The following MAF variants were observed in gnomAD, a reference collection of about 807,000 sequenced individuals.
MAF encodes MAF bZIP transcription factor.
Under a neutral mutation model 22.0 loss-of-function variants are expected in MAF, and 10 were observed. That is an observed-to-expected ratio of 0.45 (90% CI 0.28 to 0.77). The LOEUF is 0.77. Among genes scored for constraint, MAF ranks in the 30% least tolerant of loss-of-function variants. The probability of loss-of-function intolerance (pLI) is 0.12; values close to 1 mark genes in which losing one functional copy is unlikely to be tolerated. For missense variants in MAF, 544 were observed against 548.4 expected, an observed-to-expected ratio of 0.99 and a Z score of 0.08; for synonymous variants, 337 against 255.8, an observed-to-expected ratio of 1.32 and a Z score of -3.03.
the MAF span, among the ~76,000 whole-genome samples, chr16:79,452,862 C>T: frequency 6.6e-6 from 1 of 152,036 alleles, no homozygotes; most frequent in Non-Finnish European, 1.5e-5. Flanking sequence ...TACAGAGTCG[C>T]GAGATGAAAG....
the MAF span, among the ~76,000 whole-genome samples, chr16:79,339,682 G>GTTGT: frequency 6.6e-6 from 1 of 152,060 alleles, no homozygotes; most frequent in South Asian, 2.1e-4. Flanking sequence ...TTCCTTGTTT[G>GTTGT]TTGTTAGTGT....
At chr16:79,306,572 G>A in the MAF span, among the ~76,000 whole-genome samples, 1 of 152,102 alleles carries the variant, frequency 6.6e-6, no homozygotes, top group South Asian at 2.1e-4. Context: ...GATAAAGGAG[G>A]GGAAGGAAAG....
chr16:79,392,806 AC>A, the MAF span, among the ~76,000 whole-genome samples: 3 of 152,054 alleles, frequency 2.0e-5, no homozygotes, highest in Non-Finnish European at 2.9e-5. Flanking sequence ...GCATGTGAGA[AC>A]CCTAAGTTGC....
the MAF span, among the ~76,000 whole-genome samples, chr16:79,328,970 T>C: frequency 6.6e-6 from 1 of 152,186 alleles, no homozygotes; most frequent in Non-Finnish European, 1.5e-5. Context: ...TGTCTGTCTT[T>C]AGCTCTTCCT....
intron 1 of MAF, chr16:79,598,029 C>G (rs1236076427): frequency 4.8e-6 from 5 of 1,039,058 alleles, no homozygotes; most frequent in South Asian, 9.2e-5. Flanking sequence ...ATTTTTTTCT[C>G]TATTTTAGCA....
At chr16:79,341,372 G>A in the MAF span, among the ~76,000 whole-genome samples, 8 of 152,126 alleles carry the variant, frequency 5.3e-5, no homozygotes, top group African/African-American at 1.7e-4. Flanking sequence ...AGCTTGGTAC[G>A]GAAGCTCAGT....
At chr16:79,217,462 A>G in the MAF span, among the ~76,000 whole-genome samples, 2 of 152,296 alleles carry the variant, frequency 1.3e-5, no homozygotes, top group South Asian at 4.1e-4. Context: ...TCCAGTATAA[A>G]CCTTACAAAT....
chr16:79,543,484 G>A, the MAF span, among the ~76,000 whole-genome samples: 4 of 152,186 alleles, frequency 2.6e-5, no homozygotes, highest in East Asian at 5.8e-4. Flanking sequence ...ATGTCTGGAT[G>A]TTCTCAAGAT....
chr16:79,592,161 G>A (rs751103898), downstream of MAF, among the ~76,000 whole-genome samples: 1 of 152,168 alleles, frequency 6.6e-6, no homozygotes, highest in South Asian at 2.1e-4. Context: ...CAGGGAGCCC[G>A]AGATTTTATT....
chr16:79,389,869 G>A, the MAF span, among the ~76,000 whole-genome samples: 41 of 150,224 alleles, frequency 2.7e-4, no homozygotes, highest in Non-Finnish European at 5.5e-4. Context: ...CCAGCTACTA[G>A]GGAGGCTGAG....
the MAF span, among the ~76,000 whole-genome samples, chr16:79,423,735 C>T: frequency 6.6e-6 from 1 of 152,166 alleles, no homozygotes; most frequent in East Asian, 1.9e-4. Context: ...GCCCAGGAAT[C>T]AAAGTGCAAG....
At chr16:79,256,657 A>G in the MAF span, among the ~76,000 whole-genome samples, 2 of 152,188 alleles carry the variant, frequency 1.3e-5, no homozygotes, top group Admixed American at 6.5e-5. Context: ...GTCTCCCGTT[A>G]TAAGTGGACC....
At chr16:79,463,658 G>A in the MAF span, among the ~76,000 whole-genome samples, 2 of 152,122 alleles carry the variant, frequency 1.3e-5, no homozygotes, top group Non-Finnish European at 2.9e-5. Flanking sequence ...AGTCAGAGCA[G>A]GTGAGCCCAT....
the MAF span, among the ~76,000 whole-genome samples, chr16:79,380,780 G>C: frequency 6.6e-6 from 1 of 152,156 alleles, no homozygotes; most frequent in Non-Finnish European, 1.5e-5. Context: ...ATCAATTCCA[G>C]TCCAAAGCCA....
the MAF span, among the ~76,000 whole-genome samples, chr16:79,562,258 C>T: frequency 2.0e-5 from 3 of 151,462 alleles, no homozygotes; most frequent in Non-Finnish European, 4.4e-5. Context: ...GTGTAAAGCT[C>T]ATCTACACCA....
the MAF span, among the ~76,000 whole-genome samples, chr16:79,214,703 C>CTTTTTT: frequency 9.3e-5 from 4 of 43,052 alleles, 1 homozygote; most frequent in African/African-American, 9.8e-5. Context: ...CTGTGCCTGG[C>CTTTTTT]TTTTTTTTTT....
the MAF span, among the ~76,000 whole-genome samples, chr16:79,495,432 C>A: frequency 6.6e-6 from 1 of 152,150 alleles, no homozygotes; most frequent in Non-Finnish European, 1.5e-5. Flanking sequence ...CACCACACTC[C>A]AGACTAGGTG....
the MAF span, among the ~76,000 whole-genome samples, chr16:79,222,818 A>C: frequency 1.3e-5 from 2 of 152,142 alleles, no homozygotes; most frequent in Non-Finnish European, 2.9e-5. Flanking sequence ...ACAAGAACTA[A>C]CTATCCTAAA....
chr16:79,431,036 T>G, the MAF span, among the ~76,000 whole-genome samples: 3 of 152,132 alleles, frequency 2.0e-5, no homozygotes, highest in Non-Finnish European at 4.4e-5. Context: ...AGTTCCTTTG[T>G]GTGACATCCT....
Sources: allele counts gnomAD v4.1 joint callset (sites outside exome capture counted in the v4.1 genomes callset), GRCh38; gene constraint gnomAD v4.1.1; transcripts MANE v1.5; gene names NCBI Gene and HGNC (gene_info 2026-07-23, HGNC 2026-07-21).